Variants in GCA observed in about 807,000 individuals in gnomAD.
The protein encoded by GCA is grancalcin, EF-hand calcium-binding protein.
GCA carries 30 observed loss-of-function variants against 32.6 expected under a neutral mutation model. That is an observed-to-expected ratio of 0.92 (90% CI 0.69 to 1.25). The LOEUF (loss-of-function observed/expected upper bound fraction) is 1.25, where lower values mean the gene tolerates loss of function less well. GCA is among the 50% of genes most tolerant of loss of function. The probability of loss-of-function intolerance (pLI) is 0.00; values close to 1 mark genes in which losing one functional copy is unlikely to be tolerated. For synonymous variants in GCA, 102 were observed against 84.6 expected (o/e 1.21, Z -1.13); for missense variants, 291 against 266.8 (o/e 1.09, Z -0.63).
rs555827948 is a variant in GCA at position 162,322,830 on chromosome 2, C to T, written c.-31+3605C>T. ...CACTGTTGGACATTTGGGTTGGTTC[C>T]AAGTCTTTGCTATTGTGAATAATGC... On this transcript the variant is annotated intron_variant, in intron 1 of 4. Transcript: ENST00000429691. 1.5e-3 allele frequency among the ~76,000 whole-genome samples: 228 copies of T among 151,670 alleles called. 5 individuals are homozygous for T. Among genetic ancestry groups the T allele is most frequent in the African/African-American group, 5.3e-3 (218 of 41,030 alleles).
intron 3 of GCA, among the ~76,000 whole-genome samples, chr2:162,352,766 C>T (rs145937230): frequency 6.6e-6 from 1 of 152,118 alleles, no homozygotes; most frequent in African/African-American, 2.4e-5. Context: ...TAACCTTAAA[C>T]TCTCCCCTGT....
rs1210272273 is a variant in GCA at position 162,360,842 on chromosome 2, CTTTTT to C, written c.*601_*605del. On this transcript the variant is annotated 3_prime_UTR_variant, in exon 8 of 8. Coordinates refer to ENST00000437150, the MANE Select transcript of GCA (RefSeq NM_012198.5). ...AGACTACAGAAGGCATTGTTTTTTC[CTTTTT>C]TATTTTTTGTATTATATATTTTTCT... 2 of 1,186,804 alleles carry C rather than the reference CTTTTT, an allele frequency of 1.7e-6. No homozygotes were observed. The highest frequency in any genetic ancestry group is 2.1e-6 in the Non-Finnish European group (2 of 940,900). 73.5% of individuals were successfully genotyped at this position (1,186,804 alleles called of 1,614,324 possible).
intron 5 of GCA, among the ~76,000 whole-genome samples, 192 bp from the exon 6 acceptor site, chr2:162,358,852 A>G (rs1414533077): frequency 6.6e-6 from 1 of 151,416 alleles, no homozygotes; most frequent in Non-Finnish European, 1.5e-5. Context: ...TAGAATTGTG[A>G]TATTTATATA....
intron 1 of GCA, among the ~76,000 whole-genome samples, chr2:162,323,622 CA>C (rs1314529941): frequency 1.3e-5 from 2 of 151,910 alleles, no homozygotes; most frequent in Non-Finnish European, 2.9e-5. Context: ...CAGCTTTCTA[CA>C]TATGGCTAGC....
At chr2:162,374,582 C>CA (rs1042464471), downstream of GCA, among the ~76,000 whole-genome samples, 1 of 151,252 alleles carries the variant, frequency 6.6e-6, no homozygotes, top group Non-Finnish European at 1.5e-5. Context: ...GGAAATAAAA[C>CA]AAAAAAAGGA....
At chr2:162,350,131 T>A (rs1484937553) in intron 2 of GCA, among the ~76,000 whole-genome samples, 1 of 152,216 alleles carries the variant, frequency 6.6e-6, no homozygotes. Context: ...CCATGTGCCG[T>A]AGGACTGACC....
At chr2:162,328,566 C>T (rs1295780371) in intron 1 of GCA, among the ~76,000 whole-genome samples, 1 of 152,136 alleles carries the variant, frequency 6.6e-6, no homozygotes, top group East Asian at 1.9e-4. Context: ...GGGGAGCATA[C>T]ACACGGGCAG....
intron 1 of GCA, among the ~76,000 whole-genome samples, chr2:162,335,683 T>C (rs766809526): frequency 9.2e-5 from 14 of 152,328 alleles, no homozygotes; most frequent in Non-Finnish European, 1.9e-4. Flanking sequence ...GGATTTTCTG[T>C]CATAATATTA....
chr2:162,367,909 G>C (rs1458724882), downstream of GCA, among the ~76,000 whole-genome samples: 1 of 151,950 alleles, frequency 6.6e-6, no homozygotes, highest in Non-Finnish European at 1.5e-5. Context: ...GAAAAAGACT[G>C]GGGGAGGTTA....
At position 162,344,354 on chromosome 2, in the gene GCA, C is replaced by T. The variant is rs1051842287; in HGVS notation, c.27+79C>T. ...CGGGGGCGGTGCCAACGTGCGGGTCCGCCCTTGGCTCCTGCTCCCTGCGTC... is the reference window on the plus strand; with the variant it reads ...CGGGGGCGGTGCCAACGTGCGGGTCTGCCCTTGGCTCCTGCTCCCTGCGTC... On this transcript the variant is annotated intron_variant, in intron 1 of 7. Coordinates refer to ENST00000437150, the MANE Select transcript of GCA (RefSeq NM_012198.5). 5.7e-6 allele frequency: 8 copies of T among 1,408,152 alleles called. No homozygotes were observed. In the African/African-American group the frequency reaches 7.1e-5, roughly 12 times the overall value. 87.2% of individuals were successfully genotyped at this position (1,408,152 alleles called of 1,614,324 possible).
intron 2 of GCA, among the ~76,000 whole-genome samples, chr2:162,351,394 A>G (rs1001834033): frequency 6.6e-6 from 1 of 152,142 alleles, no homozygotes; most frequent in African/African-American, 2.4e-5. Context: ...TTAATTCTCT[A>G]CCTGATGCTC....
chr2:162,358,001 A>G (rs189143489), intron 5 of GCA, among the ~76,000 whole-genome samples: 4 of 151,754 alleles, frequency 2.6e-5, no homozygotes, highest in Non-Finnish European at 4.4e-5. Flanking sequence ...TTTGCATATA[A>G]TTACATTAGT....
At chr2:162,340,711 T>C (rs1172757803), upstream of GCA, among the ~76,000 whole-genome samples, 1 of 152,190 alleles carries the variant, frequency 6.6e-6, no homozygotes, top group Admixed American at 6.6e-5. Context: ...CCACTTCCAC[T>C]ACTCTCCCTC....
At chr2:162,348,411 A>G (rs1333169940) in intron 2 of GCA, among the ~76,000 whole-genome samples, 2 of 152,200 alleles carry the variant, frequency 1.3e-5, no homozygotes, top group East Asian at 3.8e-4. Flanking sequence ...CAGGTTGAGA[A>G]ATTACATTTT....
intron 1 of GCA, among the ~76,000 whole-genome samples, chr2:162,334,168 C>T (rs1288405786): frequency 1.3e-5 from 2 of 152,146 alleles, no homozygotes; most frequent in South Asian, 4.1e-4. Context: ...TTTCCTCTGC[C>T]GCCACCTTGT....
chr2:162,366,259 ATTTC>A (rs1411275394), downstream of GCA, among the ~76,000 whole-genome samples: 1 of 151,790 alleles, frequency 6.6e-6, no homozygotes, highest in Non-Finnish European at 1.5e-5. Flanking sequence ...TACTGGCAGT[ATTTC>A]TTTAATCTTG....
intron 1 of GCA, among the ~76,000 whole-genome samples, chr2:162,335,491 T>C (rs570731558): frequency 2.1e-3 from 316 of 148,748 alleles, no homozygotes; most frequent in African/African-American, 7.4e-3. Context: ...TGAGTTAAGG[T>C]TGGGTTAAGG....
intron 4 of GCA, among the ~76,000 whole-genome samples, chr2:162,368,294 C>T (rs1678976968): frequency 6.6e-6 from 1 of 151,664 alleles, no homozygotes; most frequent in Admixed American, 6.6e-5. Context: ...TTTTTGATAA[C>T]ATAAAAATTT....
downstream of GCA, chr2:162,372,170 ACTT>A (rs1401924893): frequency 5.8e-6 from 7 of 1,203,544 alleles, no homozygotes; most frequent in East Asian, 1.4e-4. Context: ...ACTAATAAAA[ACTT>A]AAGCATTTTC....
Sources: allele counts gnomAD v4.1 joint callset (sites outside exome capture counted in the v4.1 genomes callset), GRCh38; gene constraint gnomAD v4.1.1; transcripts MANE v1.5; gene names NCBI Gene and HGNC (gene_info 2026-07-23, HGNC 2026-07-21).